Variants in STOX2 observed in about 807,000 individuals in gnomAD.
STOX2 encodes the protein storkhead-box protein 2.
Under a neutral mutation model 60.9 loss-of-function variants are expected in STOX2, and 28 were observed. The observed-to-expected ratio is 0.46, with a 90% CI of 0.34 to 0.63. STOX2 has a LOEUF of 0.63. STOX2 is among the 30% of genes least tolerant of loss of function. The probability of loss-of-function intolerance (pLI) is 0.01; values close to 1 mark genes in which losing one functional copy is unlikely to be tolerated. For synonymous variants in STOX2, 472 were observed against 463.9 expected, an observed-to-expected ratio of 1.02 and a Z score of -0.22; for missense variants, 1,024 against 1,187.7, an observed-to-expected ratio of 0.86 and a Z score of 2.03.
At chr4:183,908,570 C>G (rs965610442) in intron 1 of STOX2, among the ~76,000 whole-genome samples, 1 of 148,168 alleles carries the variant, frequency 6.7e-6, no homozygotes, top group Admixed American at 6.8e-5. Flanking sequence ...TTTCATGATT[C>G]AGGCACATTT....
chr4:183,844,417 C>T (rs1739940224), intron 1 of STOX2, among the ~76,000 whole-genome samples: 1 of 152,064 alleles, frequency 6.6e-6, no homozygotes, highest in Non-Finnish European at 1.5e-5. Context: ...CTCAAACAAT[C>T]CTTTTATATT....
chr4:183,879,986 T>G (rs1740918832), intron 1 of STOX2, among the ~76,000 whole-genome samples: 1 of 152,054 alleles, frequency 6.6e-6, no homozygotes, highest in African/African-American at 2.4e-5. Flanking sequence ...CTCAGTTTCT[T>G]TTCTTTTTTC....
At chr4:183,953,748 T>G (rs147927927) in intron 1 of STOX2, among the ~76,000 whole-genome samples, 2,200 of 152,166 alleles carry the variant, frequency 0.014, 55 homozygotes, top group African/African-American at 0.051. Flanking sequence ...GTCTTTTTAG[T>G]AGAGACGGGA....
rs1299946682 is a variant in STOX2 at position 184,011,035 on chromosome 4, G to A, written c.2197G>A (p.Asp733Asn). ...CAAATCTCACCCGAAGACACCTGCT[G>A]ACACATTGCCAGGCCGATGTGAGAA... ...LLKSHPKTPA[D>N]TLPGRCEKLE... is the part of the protein sequence containing the mutation. The change falls in exon 3 of 4, where the codon GAC becomes AAC. Residue 733 changes from aspartate to asparagine, a missense_variant. Physicochemically the swap from Asp to Asn is conservative, Grantham distance 23 (BLOSUM62 1). Transcript: ENST00000308497. This position sits in a 1 kb window ranked among gnomAD's most constrained non-coding sequence, Gnocchi z 4.4. The A allele has an allele frequency of 3.1e-6, 5 of 1,613,020 alleles. No individual in the cohort carries two copies. The South Asian group carries it at 5.5e-5, about 18-fold the overall frequency.
chr4:183,811,019 A>C (rs1251087811), intron 1 of STOX2, among the ~76,000 whole-genome samples: 2 of 152,130 alleles, frequency 1.3e-5, no homozygotes, highest in Admixed American at 1.3e-4. Context: ...ATCAGATATC[A>C]AGGATTGGGG....
At chr4:184,003,880 TCCTG>T (rs1733699140) in intron 2 of STOX2, among the ~76,000 whole-genome samples, 1 of 152,290 alleles carries the variant, frequency 6.6e-6, no homozygotes, top group Admixed American at 6.5e-5. Context: ...AAAGTTTGTT[TCCTG>T]CCTGCCTGCC....
chr4:183,848,172 C>T (rs1303900317), intron 1 of STOX2, among the ~76,000 whole-genome samples: 1 of 152,184 alleles, frequency 6.6e-6, no homozygotes, highest in South Asian at 2.1e-4. Flanking sequence ...ACTCACATAA[C>T]AGGAAACCTG....
At position 184,009,278 on chromosome 4, in the gene STOX2, C is replaced by T; in HGVS notation, c.440C>T (p.Thr147Ile). The T allele has an allele frequency of 1.2e-6, 2 of 1,613,608 alleles. No homozygotes were observed. Among genetic ancestry groups the T allele is most frequent in the Non-Finnish European group, 1.7e-6 (2 of 1,179,706 alleles). The change falls in exon 3 of 4, where the codon ACT (threonine) becomes ATT (isoleucine). Residue 147 changes from threonine to isoleucine, a missense_variant. Physicochemically the swap from Thr to Ile is moderately conservative, Grantham distance 89. Coordinates refer to ENST00000308497, the MANE Select transcript of STOX2 (RefSeq NM_020225.3). The surrounding 1 kb of genome is among the most constrained non-coding windows in gnomAD (Gnocchi z 4.0). Reference protein sequence around the residue: ...FIVTPQTYFITPSLIRTNSKW... With the variant: ...FIVTPQTYFIIPSLIRTNSKW... ...GTGACCCCACAGACTTATTTCATAA[C>T]TCCTTCCCTCATAAGAACTAACAGT...
intron 1 of STOX2, among the ~76,000 whole-genome samples, chr4:183,810,999 G>A (rs1193718593): frequency 6.6e-6 from 1 of 152,152 alleles, no homozygotes; most frequent in Non-Finnish European, 1.5e-5. Flanking sequence ...GGTGGGGGAT[G>A]AGAAACCTGA....
intron 1 of STOX2, among the ~76,000 whole-genome samples, chr4:183,936,338 C>A (rs6552723): frequency 2.0e-5 from 3 of 152,142 alleles, no homozygotes; most frequent in African/African-American, 4.8e-5. Context: ...GCTTCAGCAC[C>A]GCTTTTCTTT....
chr4:183,974,913 G>A (rs573489118), intron 1 of STOX2, among the ~76,000 whole-genome samples: 78 of 152,112 alleles, frequency 5.1e-4, no homozygotes, highest in South Asian at 4.2e-3. Context: ...AATCCTCAGG[G>A]AGCATTCAGA....
chr4:183,980,297 G>A (rs2309951), intron 1 of STOX2, among the ~76,000 whole-genome samples: 87,965 of 152,016 alleles, frequency 0.58, 25,674 homozygotes, highest in African/African-American at 0.67. Flanking sequence ...TACGAAAGGT[G>A]TAGAGGAGAG....
intron 1 of STOX2, among the ~76,000 whole-genome samples, chr4:183,916,927 G>A (rs4862267): frequency 0.22 from 34,199 of 152,068 alleles, 4,235 homozygotes; most frequent in East Asian, 0.51. Context: ...ACCTGATGGA[G>A]TGTGACCGAG....
rs527433719 is a variant in STOX2, at chr4:183,991,676, G to A, written c.167-9649G>A. ...ACTCCTGACCTGATCCACCCACCTC[G>A]ACCTCCCAAAGTGCTGGGATTACAA... is the stretch of plus-strand genomic sequence containing the variant. On this transcript the variant is annotated intron_variant, in intron 1 of 3. Coordinates refer to ENST00000308497, the MANE Select transcript of STOX2 (RefSeq NM_020225.3). 3.3e-3 allele frequency among the ~76,000 whole-genome samples: 496 copies of A among 152,052 alleles called. 1 individual carries two copies. Among genetic ancestry groups the A allele is most frequent in the Non-Finnish European group, 5.7e-3 (387 of 67,984 alleles).
intron 1 of STOX2, among the ~76,000 whole-genome samples, chr4:183,955,459 G>C (rs1219310309): frequency 6.6e-6 from 1 of 152,160 alleles, no homozygotes; most frequent in Non-Finnish European, 1.5e-5. Context: ...AAGTACTCTA[G>C]TATCTCAGGC....
chr4:183,952,964 C>T (rs1416643614), intron 1 of STOX2, among the ~76,000 whole-genome samples: 3 of 152,118 alleles, frequency 2.0e-5, no homozygotes, highest in African/African-American at 7.2e-5. Context: ...CACATGTTCT[C>T]ACTCATAAGT....
At chr4:183,919,606 T>A (rs1051040042) in intron 1 of STOX2, among the ~76,000 whole-genome samples, 2 of 152,098 alleles carry the variant, frequency 1.3e-5, no homozygotes, top group African/African-American at 4.8e-5. Context: ...AAACCATTGT[T>A]GTTATTGGGA....
intron 1 of STOX2, among the ~76,000 whole-genome samples, chr4:183,989,197 T>TG (rs370882959): frequency 1.9e-3 from 162 of 85,232 alleles, no homozygotes; most frequent in Admixed American, 2.8e-3. Flanking sequence ...TTTTTTTGTT[T>TG]GTTTGGTTTG....
intron 1 of STOX2, among the ~76,000 whole-genome samples, chr4:183,840,740 C>T (rs781668952): frequency 6.6e-6 from 1 of 152,094 alleles, no homozygotes; most frequent in Admixed American, 6.5e-5. Flanking sequence ...TGCCAGAGCC[C>T]CTCTTCAGTG....
Sources: gnomAD v4.1 joint callset for allele counts (sites outside exome capture counted in the v4.1 genomes callset) on GRCh38, gnomAD v4.1.1 for gene constraint, Gnocchi (gnomAD v3.1) non-coding constraint, MANE v1.5 for transcripts, NCBI Gene and HGNC (gene_info 2026-07-23, HGNC 2026-07-21) for gene names.